Variants in EPHA6 observed in about 807,000 individuals in gnomAD.
The protein encoded by EPHA6 is ephrin type-A receptor 6.
EPHA6 carries 50 observed loss-of-function variants against 112.0 expected under a neutral mutation model. That is an observed-to-expected ratio of 0.45 (90% CI 0.36 to 0.56). The LOEUF (loss-of-function observed/expected upper bound fraction) is 0.56, where lower values mean the gene tolerates loss of function less well. Ranked by LOEUF, EPHA6 falls within the 20% of genes least tolerant of loss-of-function variation. The probability of loss-of-function intolerance (pLI) is 0.00; values close to 1 mark genes in which losing one functional copy is unlikely to be tolerated. For missense variants in EPHA6, 1,280 were observed against 1,417.4 expected (o/e 0.90, Z 1.56); for synonymous variants, 529 against 490.7 (o/e 1.08, Z -1.03).
chr3:97,446,729 C>T (rs1316497529), intron 6 of EPHA6, among the ~76,000 whole-genome samples: 1 of 152,122 alleles, frequency 6.6e-6, no homozygotes, highest in East Asian at 1.9e-4. Flanking sequence ...CTAGAAATTC[C>T]TGCCAGAAAC....
intron 11 of EPHA6, among the ~76,000 whole-genome samples, chr3:97,578,165 T>G (rs2093405083): frequency 6.6e-6 from 1 of 152,134 alleles, no homozygotes; most frequent in Non-Finnish European, 1.5e-5. Flanking sequence ...CTGTTGTAAG[T>G]GACAGAAAAC....
intron 13 of EPHA6, among the ~76,000 whole-genome samples, chr3:97,622,790 A>G (rs956069326): frequency 6.6e-6 from 1 of 151,818 alleles, no homozygotes; most frequent in African/African-American, 2.4e-5. Flanking sequence ...GTTTGTTGTT[A>G]TAATGGCTAT....
chr3:97,330,962 C>A (rs2082769021), intron 5 of EPHA6, among the ~76,000 whole-genome samples: 1 of 152,054 alleles, frequency 6.6e-6, no homozygotes, highest in African/African-American at 2.4e-5. Context: ...AGCACCACAC[C>A]ACACCTATTC....
At chr3:96,955,305 T>C (rs2041714687) in intron 2 of EPHA6, among the ~76,000 whole-genome samples, 1 of 152,180 alleles carries the variant, frequency 6.6e-6, no homozygotes, top group Admixed American at 6.6e-5. Context: ...TATGGACATA[T>C]TATATCTCTT....
chr3:97,110,447 T>G (rs747257165), intron 3 of EPHA6, among the ~76,000 whole-genome samples: 16 of 152,150 alleles, frequency 1.1e-4, no homozygotes, highest in Non-Finnish European at 2.2e-4. Flanking sequence ...TCATTTATTA[T>G]GATTATTTTT....
intron 3 of EPHA6, among the ~76,000 whole-genome samples, chr3:97,191,040 G>A (rs995477907): frequency 2.0e-5 from 3 of 151,858 alleles, no homozygotes; most frequent in South Asian, 2.1e-4. Context: ...CAGTCTCCTC[G>A]CTCCCTAGCC....
chr3:97,684,056 T>C (rs2032067735), intron 14 of EPHA6, among the ~76,000 whole-genome samples: 1 of 152,146 alleles, frequency 6.6e-6, no homozygotes, highest in African/African-American at 2.4e-5. Context: ...ATTAGATGGA[T>C]ATTAAACAGT....
At chr3:96,884,400 T>C (rs1370048507) in intron 2 of EPHA6, among the ~76,000 whole-genome samples, 1 of 152,142 alleles carries the variant, frequency 6.6e-6, no homozygotes, top group Non-Finnish European at 1.5e-5. Flanking sequence ...TTTTTCAGCA[T>C]CATTTTATAG....
chr3:96,849,815 A>C (rs2035280387), intron 1 of EPHA6, among the ~76,000 whole-genome samples: 1 of 152,110 alleles, frequency 6.6e-6, no homozygotes, highest in African/African-American at 2.4e-5. Flanking sequence ...GGGATTTGTA[A>C]TAAGGCCGTT....
At chr3:97,028,020 C>A (rs2044702296) in intron 3 of EPHA6, among the ~76,000 whole-genome samples, 1 of 152,236 alleles carries the variant, frequency 6.6e-6, no homozygotes, top group South Asian at 2.1e-4. Context: ...TACTCTCTGG[C>A]ACTTTAAACA....
chr3:97,458,200 A>G (rs946622444), intron 7 of EPHA6, among the ~76,000 whole-genome samples: 1 of 151,888 alleles, frequency 6.6e-6, no homozygotes, highest in African/African-American at 2.4e-5. Context: ...AGGAGCGCTT[A>G]AAAGATTTAG....
intron 2 of EPHA6, among the ~76,000 whole-genome samples, chr3:96,942,308 G>A (rs2041006483): frequency 6.6e-6 from 1 of 152,190 alleles, no homozygotes; most frequent in African/African-American, 2.4e-5. Context: ...GCAAGCCTTA[G>A]CAATGGCAGG....
intron 5 of EPHA6, among the ~76,000 whole-genome samples, chr3:97,269,353 C>T (rs2079805162): frequency 6.6e-6 from 1 of 152,108 alleles, no homozygotes; most frequent in South Asian, 2.1e-4. Flanking sequence ...GATGGCTTCC[C>T]TGGATCAAAG....
intron 14 of EPHA6, among the ~76,000 whole-genome samples, chr3:97,655,535 C>T (rs1216979259): frequency 6.6e-6 from 1 of 151,880 alleles, no homozygotes; most frequent in Non-Finnish European, 1.5e-5. Flanking sequence ...CATCGTTGGA[C>T]ATTTGGGTTG....
At chr3:97,466,076 T>A (rs1361234752) in intron 7 of EPHA6, among the ~76,000 whole-genome samples, 3 of 151,838 alleles carry the variant, frequency 2.0e-5, no homozygotes, top group African/African-American at 4.8e-5. Flanking sequence ...AAACTATCCA[T>A]CTATTAAAGA....
At chr3:97,596,434 G>A (rs754529265) in intron 12 of EPHA6, among the ~76,000 whole-genome samples, 11 of 151,950 alleles carry the variant, frequency 7.2e-5, no homozygotes, top group Non-Finnish European at 1.5e-4. Flanking sequence ...ATACACAAAC[G>A]ATAGGAGAAT....
chr3:97,741,256 G>A (rs1163154780), intron 16 of EPHA6, among the ~76,000 whole-genome samples: 1 of 152,022 alleles, frequency 6.6e-6, no homozygotes, highest in Non-Finnish European at 1.5e-5. Flanking sequence ...GAGAGAGCAA[G>A]GTGGGAGGAT....
chr3:97,190,727 G>T (rs1436556665), intron 3 of EPHA6, among the ~76,000 whole-genome samples: 1 of 151,816 alleles, frequency 6.6e-6, no homozygotes, highest in East Asian at 1.9e-4. Flanking sequence ...TTTGTGGAGG[G>T]GAGCGGGGAG....
intron 3 of EPHA6, among the ~76,000 whole-genome samples, chr3:97,039,822 T>C (rs2045251304): frequency 1.3e-5 from 2 of 152,034 alleles, no homozygotes; most frequent in Admixed American, 6.6e-5. Context: ...TGTTAGGCAG[T>C]AAGTCCTTGT....
Sources: gnomAD v4.1 joint callset for allele counts (sites outside exome capture counted in the v4.1 genomes callset) on GRCh38, gnomAD v4.1.1 for gene constraint, MANE v1.5 for transcripts, NCBI Gene and HGNC (gene_info 2026-07-23, HGNC 2026-07-21) for gene names.